The following NELL2 variants were observed in gnomAD, a reference collection of about 807,000 sequenced individuals.
The protein encoded by NELL2 is protein kinase C-binding protein NELL2.
NELL2 carries 41 observed loss-of-function variants against 109.6 expected under a neutral mutation model. That is an observed-to-expected ratio of 0.37 (90% confidence interval 0.29 to 0.49). The LOEUF (loss-of-function observed/expected upper bound fraction) is 0.49. Among genes scored for constraint, NELL2 ranks in the 20% least tolerant of loss-of-function variants. NELL2 has a pLI of 0.98. For missense variants in NELL2, 900 were observed against 1,008.3 expected (o/e 0.89, Z 1.45); for synonymous variants, 355 against 344.7 (o/e 1.03, Z -0.33).
chr12:44,877,711 T>G (rs1459236548), upstream of NELL2, among the ~76,000 whole-genome samples: 1 of 152,188 alleles, frequency 6.6e-6, no homozygotes, highest in African/African-American at 2.4e-5. Flanking sequence ...CTTAGAATTT[T>G]TAAGACAAAA....
intron 2 of NELL2, among the ~76,000 whole-genome samples, chr12:44,856,454 T>C (rs1302291382): frequency 1.3e-5 from 2 of 152,180 alleles, no homozygotes; most frequent in African/African-American, 4.8e-5. Flanking sequence ...TCAAGAATAT[T>C]TGGGAGGTAA....
intron 13 of NELL2, among the ~76,000 whole-genome samples, chr12:44,655,129 T>C (rs1453943766): frequency 6.6e-6 from 1 of 152,066 alleles, no homozygotes; most frequent in Admixed American, 6.5e-5. Flanking sequence ...AACTAATACA[T>C]CCACCTGGGA....
chr12:44,510,781 C>G (rs1158508221), intron 19 of NELL2, among the ~76,000 whole-genome samples: 2 of 152,168 alleles, frequency 1.3e-5, no homozygotes, highest in African/African-American at 4.8e-5. Flanking sequence ...ACTTGTAGAA[C>G]TCAGCTGTGC....
At chr12:44,735,303 G>T (rs1471094175) in intron 9 of NELL2, among the ~76,000 whole-genome samples, 1 of 152,204 alleles carries the variant, frequency 6.6e-6, no homozygotes, top group Non-Finnish European at 1.5e-5. Flanking sequence ...GTAGTAAAAA[G>T]AAACCATATT....
chr12:44,585,193 C>A (rs570558309), intron 15 of NELL2, among the ~76,000 whole-genome samples: 1 of 152,286 alleles, frequency 6.6e-6, no homozygotes, highest in South Asian at 2.1e-4. Flanking sequence ...AATTTTACTT[C>A]TAGGAAATAG....
chr12:44,849,988 T>A (rs565013824), intron 2 of NELL2, among the ~76,000 whole-genome samples: 1 of 152,166 alleles, frequency 6.6e-6, no homozygotes, highest in Non-Finnish European at 1.5e-5. Flanking sequence ...AGGTGGGAAC[T>A]GACTACAAAG....
chr12:44,548,557 A>T (rs1249333372), intron 15 of NELL2, among the ~76,000 whole-genome samples: 1 of 144,860 alleles, frequency 6.9e-6, no homozygotes, highest in African/African-American at 2.6e-5. Flanking sequence ...AAAAAAAAAA[A>T]CAAAAGAAAA....
chr12:44,674,167 T>C (rs1249488720), intron 12 of NELL2, among the ~76,000 whole-genome samples: 2 of 152,214 alleles, frequency 1.3e-5, no homozygotes, highest in Non-Finnish European at 2.9e-5. Context: ...AACCCATTAA[T>C]GCAGAACACA....
At chr12:44,758,801 T>C (rs575112153) in intron 9 of NELL2, among the ~76,000 whole-genome samples, 27 of 152,336 alleles carry the variant, frequency 1.8e-4, no homozygotes, top group South Asian at 1.7e-3. Flanking sequence ...TTCCACCTCA[T>C]GACTGAAATT....
At chr12:44,728,232 C>T (rs1939183724) in intron 9 of NELL2, among the ~76,000 whole-genome samples, 1 of 151,960 alleles carries the variant, frequency 6.6e-6, no homozygotes, top group Non-Finnish European at 1.5e-5. Flanking sequence ...GTTGGAATAT[C>T]AATAGACAGT....
At chr12:44,671,936 T>C (rs1010989709) in intron 12 of NELL2, among the ~76,000 whole-genome samples, 10 of 152,168 alleles carry the variant, frequency 6.6e-5, no homozygotes, top group Admixed American at 2.6e-4. Context: ...AATTTACCCA[T>C]GGGGATGAAA....
At chr12:44,757,520 GCT>G (rs1372311368) in intron 9 of NELL2, among the ~76,000 whole-genome samples, 3 of 151,962 alleles carry the variant, frequency 2.0e-5, no homozygotes, top group Non-Finnish European at 4.4e-5. Flanking sequence ...CATTCACTGT[GCT>G]CAAGTCACAC....
At chr12:44,818,517 G>A (rs1346069526) in intron 2 of NELL2, among the ~76,000 whole-genome samples, 1 of 152,114 alleles carries the variant, frequency 6.6e-6, no homozygotes. Context: ...AAGAGATAGA[G>A]CTCTTACAGC....
intron 9 of NELL2, among the ~76,000 whole-genome samples, chr12:44,722,653 C>A (rs1428324403): frequency 6.6e-6 from 1 of 152,090 alleles, no homozygotes; most frequent in South Asian, 2.1e-4. Flanking sequence ...TGAAAATAAG[C>A]ACTGAGGGTG....
intron 16 of NELL2, among the ~76,000 whole-genome samples, chr12:44,530,034 A>T (rs554523912): frequency 6.6e-6 from 1 of 152,256 alleles, no homozygotes; most frequent in African/African-American, 2.4e-5. Context: ...TGGAAGAGAA[A>T]ATTAATATTA....
chr12:44,772,551 T>C (rs1218185800), intron 9 of NELL2, among the ~76,000 whole-genome samples: 2 of 152,226 alleles, frequency 1.3e-5, no homozygotes, highest in African/African-American at 4.8e-5. Flanking sequence ...TAAATGCTTA[T>C]TTCCCTAAGG....
intron 9 of NELL2, among the ~76,000 whole-genome samples, chr12:44,727,520 G>A (rs1018262645): frequency 6.6e-5 from 10 of 152,094 alleles, no homozygotes; most frequent in Non-Finnish European, 2.9e-5. Flanking sequence ...TGGAGAAGAA[G>A]AGGGAGATGG....
At chr12:44,651,066 C>G (rs1947282684) in intron 13 of NELL2, among the ~76,000 whole-genome samples, 1 of 152,190 alleles carries the variant, frequency 6.6e-6, no homozygotes, top group Admixed American at 6.5e-5. Flanking sequence ...TCAGTAGATT[C>G]TCATAGAAGC....
Position 44,508,396 on chromosome 12 carries a change from A to C in NELL2, c.*538T>G, listed in dbSNP as rs1209376878. ...GGAAATAGGGATGACTTTTCCTGTT[A>C]GAAAATATTAAGTAACCATGCCTGT... On this transcript the variant is annotated 3_prime_UTR_variant, in exon 20 of 20. Coordinates refer to ENST00000429094, the MANE Select transcript of NELL2 (RefSeq NM_001145108.2). The C allele has an allele frequency of 6.5e-6, 1 of 152,704 alleles. No homozygotes were observed. The highest frequency in any genetic ancestry group is 2.4e-5 in the African/African-American group (1 of 41,470). The allele number at this position is 152,704 out of a possible 1,614,324, so 9.5% of individuals were successfully genotyped here.
Sources: allele counts gnomAD v4.1 joint callset (sites outside exome capture counted in the v4.1 genomes callset), GRCh38; gene constraint gnomAD v4.1.1; transcripts MANE v1.5; gene names NCBI Gene and HGNC (gene_info 2026-07-23, HGNC 2026-07-21).